The following CRAMP1 variants were observed in gnomAD, a reference collection of about 807,000 sequenced individuals.
CRAMP1 encodes the protein cramped chromatin regulator 1.
A neutral mutation model predicts 115.4 loss-of-function variants in CRAMP1; 50 were observed. The observed-to-expected ratio is 0.43, with a 90% CI of 0.35 to 0.55. The LOEUF (loss-of-function observed/expected upper bound fraction) is 0.55, where lower values mean the gene tolerates loss of function less well. CRAMP1 is among the 20% of genes least tolerant of loss of function. CRAMP1 has a pLI of 0.01. For missense variants in CRAMP1, 1,679 were observed against 1,721.7 expected (o/e 0.98, Z 0.44); for synonymous variants, 866 against 745.4 (o/e 1.16, Z -2.64).
chr16:1,654,075 A>G (rs111380303), intron 8 of CRAMP1, among the ~76,000 whole-genome samples: 78 of 144,896 alleles, frequency 5.4e-4, no homozygotes, highest in African/African-American at 2.0e-3. Context: ...CGCAGGAGGC[A>G]GAGGTTGCAG....
At chr16:1,627,733 C>T (rs568348031) in intron 3 of CRAMP1, among the ~76,000 whole-genome samples, 9 of 152,152 alleles carry the variant, frequency 5.9e-5, no homozygotes, top group South Asian at 2.1e-4. Flanking sequence ...TAAACACATT[C>T]GTGTGTTCCT....
At position 1,614,928 on chromosome 16, in the gene CRAMP1, G is replaced by C; in HGVS notation, c.289G>C (p.Asp97His). ...VRPQSKRPRK[D>H]PPSAVGSGNA... ...GCCGCAGAGCAAGAGGCCCAGGAAG[G>C]ATCCTCCGAGCGCTGTGGGGAGCGG... The change falls in exon 2 of 21, where the codon GAT (aspartate) becomes CAT (histidine). Residue 97 changes from aspartate (D) to histidine (H), a missense_variant. Physicochemically the swap from Asp to His is moderately conservative, Grantham distance 81 (BLOSUM62 -1). This residue lies in a region of CRAMP1 where 264 missense variants were observed against 229.7 expected (regional missense o/e 1.15). Coordinates refer to ENST00000397412, the MANE Select transcript of CRAMP1 (RefSeq NM_020825.4). This position sits in a 1 kb window ranked among gnomAD's most constrained non-coding sequence, Gnocchi z 4.4. The C allele has an allele frequency of 7.7e-7, 1 of 1,290,834 alleles. No homozygotes were observed. Among genetic ancestry groups the C allele is most frequent in the Non-Finnish European group, 9.8e-7 (1 of 1,021,342 alleles). The allele number at this position is 1,290,834 out of a possible 1,614,324, so 80.0% of individuals were successfully genotyped here.
intron 3 of CRAMP1, 90 bp from the exon 4 acceptor site, chr16:1,632,122 C>T (rs952836308): frequency 1.4e-6 from 2 of 1,381,274 alleles, no homozygotes; most frequent in African/African-American, 2.9e-5. Flanking sequence ...TCTCCTTTCT[C>T]CTTTCTCGGA....
intron 1 of CRAMP1, among the ~76,000 whole-genome samples, chr16:1,613,673 G>A (rs2036385658): frequency 6.6e-6 from 1 of 152,172 alleles, no homozygotes; most frequent in Non-Finnish European, 1.5e-5. Flanking sequence ...ACATTTTACA[G>A]GGCGGTGGGT....
chr16:1,646,370 C>T (rs1233430818), intron 6 of CRAMP1, among the ~76,000 whole-genome samples: 2 of 152,282 alleles, frequency 1.3e-5, no homozygotes, highest in Admixed American at 6.5e-5. Context: ...CAGCACTCAG[C>T]GTGTTCGGGG....
chr16:1,656,251 G>T lies in CRAMP1; in HGVS notation c.1494G>T (p.Gly498=). Residue 498 remains glycine, a synonymous_variant, in exon 10 of 21, where the codon GGG becomes GGT. Transcript: ENST00000397412. This position sits in a 1 kb window ranked among gnomAD's most constrained non-coding sequence, Gnocchi z 5.6. ...CCCCCGAAAGCGCCCCCGGGGAGGG[G>T]GCTGCCCTAAGCTTGAGCAGCCCGG... ...ESSPESAPGE[G]AALSLSSPDA... is the part of the protein sequence containing the mutation. 1.2e-6 allele frequency: 2 copies of T among 1,610,372 alleles called. No individual in the cohort carries two copies. The highest frequency in any genetic ancestry group is 1.7e-6 in the Non-Finnish European group (2 of 1,179,450).
Position 1,656,271 on chromosome 16 carries a change from G to A in CRAMP1, c.1514G>A (p.Ser505Asn). The change falls in exon 10 of 21, where the codon AGC becomes AAC. Residue 505 changes from serine to asparagine, a missense_variant. By Grantham distance (46) the Ser-to-Asn change is conservative. This residue lies in a region of CRAMP1 where 405 missense variants were observed against 302.6 expected (regional missense o/e 1.34). Coordinates refer to ENST00000397412, the MANE Select transcript of CRAMP1 (RefSeq NM_020825.4). This position sits in a 1 kb window ranked among gnomAD's most constrained non-coding sequence, Gnocchi z 5.6. ...PGEGAALSLS[S>N]PDAPDRPPPR... is the part of the protein sequence containing the mutation. Reference sequence around the variant, plus strand: ...GAGGGGGCTGCCCTAAGCTTGAGCAGCCCGGACGCTCCTGACAGGCCTCCT... The same window carrying A: ...GAGGGGGCTGCCCTAAGCTTGAGCAACCCGGACGCTCCTGACAGGCCTCCT... 1 of 1,611,598 alleles carries A rather than the reference G, an allele frequency of 6.2e-7. No homozygotes were observed. Among genetic ancestry groups the A allele is most frequent in the Non-Finnish European group, 8.5e-7 (1 of 1,179,758 alleles).
chr16:1,648,907 A>G (rs1050468866), intron 6 of CRAMP1, among the ~76,000 whole-genome samples: 12 of 151,846 alleles, frequency 7.9e-5, no homozygotes, highest in African/African-American at 2.9e-4. Flanking sequence ...AAATACAAAA[A>G]AATTAGCTGG....
At chr16:1,616,650 G>C (rs2036422624) in intron 2 of CRAMP1, among the ~76,000 whole-genome samples, 1 of 152,118 alleles carries the variant, frequency 6.6e-6, no homozygotes, top group Admixed American at 6.6e-5. Context: ...TCCTGAGCTT[G>C]GCTCACACTT....
intron 10 of CRAMP1, among the ~76,000 whole-genome samples, chr16:1,659,639 G>A (rs1012094781): frequency 1.3e-5 from 2 of 152,104 alleles, no homozygotes; most frequent in African/African-American, 4.8e-5. Context: ...CGCTCGTCTC[G>A]GCCTCCCAAA....
rs1273580901 is a variant in CRAMP1 at position 1,614,980 on chromosome 16, G to T, written c.341G>T (p.Gly114Val). The T allele has an allele frequency of 8.0e-7, 1 of 1,252,928 alleles. No individual in the cohort carries two copies. The highest frequency in any genetic ancestry group is 1.0e-6 in the Non-Finnish European group (1 of 998,116). The allele number at this position is 1,252,928 out of a possible 1,614,324, so 77.6% of individuals were successfully genotyped here. A position where few individuals can be genotyped will look rare whatever the true frequency, so the allele number is the denominator to read the frequency against. Residue 114 changes from glycine to valine, a missense_variant, in exon 2 of 21, where the codon GGA becomes GTA. This residue lies in a region of CRAMP1 where 264 missense variants were observed against 229.7 expected (regional missense o/e 1.15). Transcript: ENST00000397412. This position sits in a 1 kb window ranked among gnomAD's most constrained non-coding sequence, Gnocchi z 4.4. ...AACGCCGGTGGCTCGGGGCCCCGCG[G>T]AAAAGGTAGGGCGGCCCGTCCCCTT... Reference protein sequence around the residue: ...SGNAGGSGPRGKGAEGGGSSS... With the variant: ...SGNAGGSGPRVKGAEGGGSSS...
Position 1,668,202 on chromosome 16 carries a change from A to T in CRAMP1, c.3334+9A>T, listed in dbSNP as rs1397225300. ...CAGCTCCGGTCAGTACGGTAAGGGC[A>T]GGGCGGCCTCACAGCCCTTCCTGTC... On this transcript the variant is annotated intron_variant, in intron 18 of 20. Transcript: ENST00000397412. The T allele has an allele frequency of 5.0e-6, 8 of 1,598,776 alleles. No homozygotes were observed. The highest frequency in any genetic ancestry group is 2.2e-5 in the East Asian group (1 of 44,788).
chr16:1,642,024 C>G (rs541197230), intron 6 of CRAMP1, among the ~76,000 whole-genome samples: 3 of 152,274 alleles, frequency 2.0e-5, no homozygotes, highest in Admixed American at 1.3e-4. Flanking sequence ...TACATCCATC[C>G]CGCCCACTGA....
In CRAMP1 at chr16:1,668,000, C is replaced by T. The variant is rs754261613; in HGVS notation, c.3141C>T (p.Ala1047=). Residue 1047 remains alanine, a synonymous_variant, in exon 18 of 21, where the codon GCC becomes GCT. Transcript: ENST00000397412. ...TCTCCTTATCTGAGCTGCCCAAGGC[C>T]CCTCTCCAGAATGGCCTCTCCATAC... ...SVLSLSELPK[A]PLQNGLSIPL... The T allele has an allele frequency of 2.5e-6, 4 of 1,613,500 alleles. No individual in the cohort carries two copies. The South Asian group carries it at 4.4e-5, about 18-fold the overall frequency.
intron 3 of CRAMP1, among the ~76,000 whole-genome samples, chr16:1,631,163 G>A (rs2036545672): frequency 6.6e-6 from 1 of 152,222 alleles, no homozygotes; most frequent in Non-Finnish European, 1.5e-5. Context: ...TTTGCTGATT[G>A]GAAGTCCTGT....
chr16:1,652,718 C>T (rs1218921947), intron 7 of CRAMP1, 137 bp downstream of exon 7: 14 of 786,080 alleles, frequency 1.8e-5, no homozygotes, highest in South Asian at 1.7e-4. Context: ...TGCACATGGA[C>T]CACTCTTGAA....
chr16:1,647,078 G>A (rs746775021), intron 6 of CRAMP1: 20 of 702,848 alleles, frequency 2.8e-5, no homozygotes, highest in Non-Finnish European at 4.9e-5. Context: ...GAAAATGACT[G>A]AGGTGCCTGT....
intron 5 of CRAMP1, among the ~76,000 whole-genome samples, chr16:1,639,438 A>T (rs2036614335): frequency 6.6e-6 from 1 of 151,070 alleles, no homozygotes. Context: ...CTTGGTGTAC[A>T]CCCTATGTAA....
chr16:1,642,864 C>G (rs1214797503), intron 6 of CRAMP1, among the ~76,000 whole-genome samples: 2 of 152,212 alleles, frequency 1.3e-5, no homozygotes, highest in African/African-American at 4.8e-5. Flanking sequence ...CACAGAGTGG[C>G]CTGTCCGATG....
Sources: gnomAD v4.1 joint callset for allele counts (sites outside exome capture counted in the v4.1 genomes callset) on GRCh38, gnomAD v4.1.1 for gene constraint, gnomAD v4.1.1 regional missense constraint, Gnocchi (gnomAD v3.1) non-coding constraint, MANE v1.5 for transcripts, NCBI Gene and HGNC (gene_info 2026-07-23, HGNC 2026-07-21) for gene names.